The following LRRIQ3 variants were observed in gnomAD, a reference collection of about 807,000 sequenced individuals.
LRRIQ3 encodes the protein leucine-rich repeat and IQ domain-containing protein 3.
In LRRIQ3, 75 loss-of-function variants were observed where a neutral mutation model predicts 59.3. The ratio of observed to expected loss-of-function variants is 1.26; its 90% CI spans 1.05 to 1.53. The LOEUF (loss-of-function observed/expected upper bound fraction) is 1.53. Ranked by LOEUF, LRRIQ3 falls within the 40% of genes most tolerant of loss-of-function variation. LRRIQ3 has a pLI of 0.00. For missense variants in LRRIQ3, 831 were observed against 710.0 expected (o/e 1.17, Z -1.94); for synonymous variants, 250 against 231.3 (o/e 1.08, Z -0.73).
chr1:74,070,568 C>G (rs769184764), intron 6 of LRRIQ3, among the ~76,000 whole-genome samples: 2 of 151,912 alleles, frequency 1.3e-5, no homozygotes. Context: ...GTACACCAAA[C>G]CCCTGTGACA....
At chr1:74,102,628 C>T (rs1422994320) in intron 5 of LRRIQ3, among the ~76,000 whole-genome samples, 1 of 151,904 alleles carries the variant, frequency 6.6e-6, no homozygotes, top group Non-Finnish European at 1.5e-5. Context: ...AGATATTTAT[C>T]CAAAAGAATT....
chr1:74,092,600 G>T (rs1266534702), intron 5 of LRRIQ3, among the ~76,000 whole-genome samples: 1 of 151,986 alleles, frequency 6.6e-6, no homozygotes, highest in Non-Finnish European at 1.5e-5. Context: ...GTAATTGAGT[G>T]TGTCTTAGAT....
intron 1 of LRRIQ3, among the ~76,000 whole-genome samples, chr1:74,191,257 A>G (rs1650750349): frequency 6.6e-6 from 1 of 152,180 alleles, no homozygotes; most frequent in Non-Finnish European, 1.5e-5. Context: ...ATATTGAAGT[A>G]ATTTGTTGTT....
chr1:74,130,990 C>A (rs189273200), intron 4 of LRRIQ3, among the ~76,000 whole-genome samples: 8 of 151,964 alleles, frequency 5.3e-5, no homozygotes, highest in African/African-American at 1.9e-4. Context: ...ACCAGCAAGA[C>A]TAATACAGAA....
chr1:74,047,762 A>G (rs933865345), intron 6 of LRRIQ3, among the ~76,000 whole-genome samples: 1 of 152,046 alleles, frequency 6.6e-6, no homozygotes. Flanking sequence ...ATTTTAAAAA[A>G]TCTGTTGTTT....
chr1:74,089,361 G>A (rs532973074), intron 5 of LRRIQ3, among the ~76,000 whole-genome samples: 1 of 152,142 alleles, frequency 6.6e-6, no homozygotes, highest in East Asian at 1.9e-4. Context: ...GTACATGGAT[G>A]TTTAGAGCAG....
At chr1:74,078,586 T>C (rs566094599) in intron 5 of LRRIQ3, 2 of 151,956 alleles carry the variant, frequency 1.3e-5, no homozygotes, top group South Asian at 2.1e-4. Context: ...TAGTTAGGAA[T>C]TTGTTATGTG....
At chr1:74,036,910 G>T (rs1403013422) in intron 7 of LRRIQ3, among the ~76,000 whole-genome samples, 1 of 152,144 alleles carries the variant, frequency 6.6e-6, no homozygotes, top group Admixed American at 6.6e-5. Context: ...GATTAGTGAA[G>T]CTACTTTCGT....
intron 4 of LRRIQ3, among the ~76,000 whole-genome samples, chr1:74,125,266 G>T (rs573016111): frequency 5.8e-4 from 88 of 151,662 alleles, no homozygotes; most frequent in African/African-American, 2.0e-3. Context: ...TGGGATTTTT[G>T]GGTGTTTTCA....
intron 6 of LRRIQ3, among the ~76,000 whole-genome samples, chr1:74,043,128 T>C (rs934186492): frequency 2.0e-5 from 3 of 152,148 alleles, no homozygotes; most frequent in African/African-American, 7.2e-5. Context: ...TTTGCATATT[T>C]ACTTTTTGAC....
At chr1:74,041,044 C>A (rs1654028253) in intron 7 of LRRIQ3, among the ~76,000 whole-genome samples, 169 bp downstream of exon 7, 1 of 151,984 alleles carries the variant, frequency 6.6e-6, no homozygotes, top group African/African-American at 2.4e-5. Context: ...TATTTTATTG[C>A]CTTATCTTTG....
chr1:74,082,826 T>C (rs889687839), intron 5 of LRRIQ3: 1 of 151,658 alleles, frequency 6.6e-6, no homozygotes, highest in African/African-American at 2.4e-5. Context: ...CACATATTGA[T>C]AAATTATGAA....
At chr1:74,043,136 G>C (rs1163037139) in intron 6 of LRRIQ3, among the ~76,000 whole-genome samples, 1 of 151,982 alleles carries the variant, frequency 6.6e-6, no homozygotes, top group Non-Finnish European at 1.5e-5. Flanking sequence ...TTTACTTTTT[G>C]ACAAACCTAC....
intron 4 of LRRIQ3, among the ~76,000 whole-genome samples, chr1:74,141,188 T>C (rs1161120817): frequency 6.6e-6 from 1 of 151,938 alleles, no homozygotes; most frequent in African/African-American, 2.4e-5. Flanking sequence ...GCAACTAATA[T>C]GCTAACATCA....
chr1:74,173,541 A>G (rs1388394849), intron 3 of LRRIQ3, among the ~76,000 whole-genome samples: 2 of 151,782 alleles, frequency 1.3e-5, no homozygotes, highest in Admixed American at 1.3e-4. Flanking sequence ...TGTTATCATG[A>G]GGTTTGTATC....
chr1:74,047,757 A>T (rs922509175), intron 6 of LRRIQ3, among the ~76,000 whole-genome samples: 6 of 151,996 alleles, frequency 3.9e-5, no homozygotes, highest in East Asian at 1.9e-4. Context: ...GAATGATTTT[A>T]AAAAATCTGT....
chr1:74,093,452 G>C (rs570331568), intron 5 of LRRIQ3, among the ~76,000 whole-genome samples: 9 of 152,126 alleles, frequency 5.9e-5, no homozygotes, highest in African/African-American at 2.2e-4. Flanking sequence ...TAGGTATGCT[G>C]TTTCTATGCC....
chr1:74,129,565 G>A (rs1646982661), intron 4 of LRRIQ3, among the ~76,000 whole-genome samples: 1 of 151,952 alleles, frequency 6.6e-6, no homozygotes, highest in Non-Finnish European at 1.5e-5. Context: ...GACCCTTGGT[G>A]CTCTACTCTG....
chr1:74,171,864 G>A lies in LRRIQ3; in HGVS notation c.573+10674C>T, dbSNP rs187061590. ...TTGATTTATTCTTGGGAGGTTGTAT[G>A]TTTCTGGGAATTTATTTATCATTTC... On this transcript the variant is annotated intron_variant, in intron 3 of 7. Coordinates refer to ENST00000354431, the MANE Select transcript of LRRIQ3 (RefSeq NM_001105659.2). Among the ~76,000 whole-genome samples the A allele has an allele frequency of 7.0e-3, 1,070 of 152,154 alleles. 53 individuals carry two copies. Among genetic ancestry groups the A allele is most frequent in the Admixed American group, 0.061 (931 of 15,280 alleles).
Sources: gnomAD v4.1 joint callset for allele counts (sites outside exome capture counted in the v4.1 genomes callset) on GRCh38, gnomAD v4.1.1 for gene constraint, MANE v1.5 for transcripts, NCBI Gene and HGNC (gene_info 2026-07-23, HGNC 2026-07-21) for gene names.